MAGI2: variants seen among roughly 807,000 people sequenced by gnomAD.
MAGI2 encodes the protein membrane-associated guanylate kinase, WW and PDZ domain-containing protein 2.
A neutral mutation model predicts 133.3 loss-of-function variants in MAGI2; 35 were observed. That is an observed-to-expected ratio of 0.26 (90% CI 0.20 to 0.35). MAGI2 has a LOEUF of 0.35. MAGI2 is among the 10% of genes least tolerant of loss of function. The pLI, the probability that MAGI2 is intolerant of heterozygous loss-of-function variation, is 1.00. For synonymous variants in MAGI2, 729 were observed against 710.6 expected, an observed-to-expected ratio of 1.03 and a Z score of -0.41; for missense variants, 1,636 against 1,863.4, an observed-to-expected ratio of 0.88 and a Z score of 2.25.
chr7:78,303,957 C>CA (rs1356194058), intron 9 of MAGI2, among the ~76,000 whole-genome samples: 1 of 152,070 alleles, frequency 6.6e-6, no homozygotes, highest in African/African-American at 2.4e-5. Context: ...CCTACTCCCC[C>CA]ACTCCCCACC....
At chr7:78,705,308 C>T (rs1487298187) in intron 2 of MAGI2, among the ~76,000 whole-genome samples, 1 of 152,046 alleles carries the variant, frequency 6.6e-6, no homozygotes, top group African/African-American at 2.4e-5. Context: ...TCTCCTGCTG[C>T]CATTTGAAGA....
intron 9 of MAGI2, among the ~76,000 whole-genome samples, chr7:78,293,496 G>A (rs554440393): frequency 3.3e-5 from 5 of 152,230 alleles, no homozygotes; most frequent in East Asian, 3.9e-4. Context: ...GGGACTATAA[G>A]CTAGTTCAAC....
At chr7:78,763,478 G>C (rs767246688) in intron 2 of MAGI2, among the ~76,000 whole-genome samples, 9 of 152,180 alleles carry the variant, frequency 5.9e-5, no homozygotes, top group Non-Finnish European at 1.2e-4. Context: ...CACACTGAGA[G>C]AGTAATTCAC....
chr7:78,202,060 T>C (rs1829302222), intron 10 of MAGI2, among the ~76,000 whole-genome samples: 1 of 152,202 alleles, frequency 6.6e-6, no homozygotes, highest in African/African-American at 2.4e-5. Context: ...CAAAACTTAA[T>C]TGAGCACATA....
In MAGI2 at chr7:78,086,491, C is replaced by T. The variant is rs544662602; in HGVS notation, c.3568-7406G>A. 7.8e-4 allele frequency among the ~76,000 whole-genome samples: 118 copies of T among 151,346 alleles called. 1 individual carries two copies. Among genetic ancestry groups the T allele is most frequent in the African/African-American group, 2.4e-3 (97 of 41,232 alleles). On this transcript the variant is annotated intron_variant, in intron 20 of 21. Transcript: ENST00000354212. ...ACCTAAGATGATCTACCTGCCTTGGCCTCCCAAAGTGCTGGGATTACAGGT... is the reference window on the plus strand; with the variant it reads ...ACCTAAGATGATCTACCTGCCTTGGTCTCCCAAAGTGCTGGGATTACAGGT...
intron 2 of MAGI2, among the ~76,000 whole-genome samples, chr7:78,803,293 C>T (rs1376797812): frequency 1.3e-5 from 2 of 152,054 alleles, no homozygotes; most frequent in Non-Finnish European, 2.9e-5. Context: ...TGCAATATAT[C>T]TTGGGCTGGC....
chr7:78,654,665 T>C (rs947624686), intron 2 of MAGI2, among the ~76,000 whole-genome samples: 1 of 147,152 alleles, frequency 6.8e-6, no homozygotes, highest in Non-Finnish European at 1.5e-5. Flanking sequence ...TACCTGTTAC[T>C]ACTCTTTGTA....
At chr7:79,090,873 T>A (rs952438838) in intron 1 of MAGI2, among the ~76,000 whole-genome samples, 5 of 152,242 alleles carry the variant, frequency 3.3e-5, no homozygotes, top group African/African-American at 1.2e-4. Context: ...TGGGTGAATT[T>A]CATCCCTCAC....
chr7:78,177,422 A>G lies in MAGI2; in HGVS notation c.2403+589T>C, dbSNP rs539021003. On this transcript the variant is annotated intron_variant, in intron 14 of 21. Coordinates refer to ENST00000354212, the MANE Select transcript of MAGI2 (RefSeq NM_012301.4). ...TATGTTTCACTGTGAATACGCGCACACACACACACACACACACACACACAG... is the reference window on the plus strand; with the variant it reads ...TATGTTTCACTGTGAATACGCGCACGCACACACACACACACACACACACAG... Among the ~76,000 whole-genome samples, 920 of 96,316 alleles carry G rather than the reference A, an allele frequency of 9.6e-3. 3 individuals are homozygous for G. Among genetic ancestry groups the G allele is most frequent in the African/African-American group, 0.02 (513 of 25,724 alleles). The allele number at this position is 96,316 out of a possible 152,430, so 63.2% of individuals were successfully genotyped here. A position where few individuals can be genotyped will look rare whatever the true frequency, so the allele number is the denominator to read the frequency against.
chr7:79,066,521 G>T (rs149045757), intron 1 of MAGI2, among the ~76,000 whole-genome samples: 5,516 of 152,080 alleles, frequency 0.036, 312 homozygotes, highest in African/African-American at 0.12. Flanking sequence ...TAGGTTGCCT[G>T]TTCACACTGA....
At chr7:79,419,676 TG>T (rs1339244118) in intron 1 of MAGI2, among the ~76,000 whole-genome samples, 21 of 152,182 alleles carry the variant, frequency 1.4e-4, no homozygotes, top group African/African-American at 5.1e-4. Context: ...ATACAAACTA[TG>T]TATTAAAAGC....
chr7:79,344,260 A>G (rs1841139821), intron 1 of MAGI2, among the ~76,000 whole-genome samples: 1 of 152,198 alleles, frequency 6.6e-6, no homozygotes, highest in Non-Finnish European at 1.5e-5. Context: ...TTACATCAAT[A>G]ACATCTGAAG....
At chr7:78,135,245 A>C (rs1485657000) in intron 16 of MAGI2, 39 bp from the exon 17 acceptor site, 1 of 1,510,270 alleles carries the variant, frequency 6.6e-7, no homozygotes, top group Non-Finnish European at 9.2e-7. Context: ...CAGGGACATC[A>C]CCAATACATG....
At chr7:78,153,362 G>T (rs1007766120) in intron 16 of MAGI2, among the ~76,000 whole-genome samples, 7 of 152,194 alleles carry the variant, frequency 4.6e-5, no homozygotes, top group African/African-American at 1.2e-4. Context: ...AGTTGGGGAT[G>T]GTTGGGTGAG....
intron 1 of MAGI2, among the ~76,000 whole-genome samples, chr7:79,043,368 C>G (rs905469090): frequency 1.3e-5 from 2 of 151,322 alleles, no homozygotes; most frequent in African/African-American, 4.9e-5. Context: ...CATGGTGAAA[C>G]CCCGTCTCTA....
Position 78,501,765 on chromosome 7 carries a change from T to A in MAGI2, c.777A>T (p.Lys259Asn). ...VTPESSEHED[K>N]SAGASGEMPS... ...GCATCTCCCCTGAGGCACCTGCACT[T>A]TTGTCTTCATGTTCACTGGATTCTA... Residue 259 changes from lysine (K) to asparagine (N), a missense_variant, in exon 5 of 22, where the codon AAA becomes AAT. By Grantham distance (94) the Lys-to-Asn change is moderately conservative (BLOSUM62 0). Transcript: ENST00000354212. 1 of 1,613,770 alleles carries A rather than the reference T, an allele frequency of 6.2e-7. No individual in the cohort carries two copies. The highest frequency in any genetic ancestry group is 1.1e-5 in the South Asian group (1 of 91,062).
At position 79,077,595 on chromosome 7, in the gene MAGI2, A is replaced by T. The variant is rs1238987363; in HGVS notation, c.302-70389T>A. Among the ~76,000 whole-genome samples the T allele has an allele frequency of 7.5e-5, 7 of 93,034 alleles. 1 individual carries two copies. The highest frequency in any genetic ancestry group is 5.2e-4 in the East Asian group (2 of 3,826). 61.0% of individuals were successfully genotyped at this position (93,034 alleles called of 152,430 possible). A position where few individuals can be genotyped will look rare whatever the true frequency, so the allele number is the denominator to read the frequency against. On this transcript the variant is annotated intron_variant, in intron 1 of 21. Coordinates refer to ENST00000354212, the MANE Select transcript of MAGI2 (RefSeq NM_012301.4). ...CTCTCAAAAAAAAAAAAAAAAAAAA[A>T]TAAATAAATAAATAAATTCCCTTTT...
At chr7:78,802,130 TC>T (rs1788118594) in intron 2 of MAGI2, among the ~76,000 whole-genome samples, 1 of 152,198 alleles carries the variant, frequency 6.6e-6, no homozygotes, top group Non-Finnish European at 1.5e-5. Flanking sequence ...TCTCCAGGCC[TC>T]CGTACCTACG....
intron 1 of MAGI2, among the ~76,000 whole-genome samples, chr7:79,156,323 A>G (rs1322713413): frequency 6.6e-6 from 1 of 152,106 alleles, no homozygotes; most frequent in Non-Finnish European, 1.5e-5. Context: ...TTGCATCTGT[A>G]AAGAATCAGT....
Sources: gnomAD v4.1 joint callset for allele counts (sites outside exome capture counted in the v4.1 genomes callset) on GRCh38, gnomAD v4.1.1 for gene constraint, MANE v1.5 for transcripts, NCBI Gene and HGNC (gene_info 2026-07-23, HGNC 2026-07-21) for gene names.